The following STAU2 variants were observed in gnomAD, a reference collection of about 807,000 sequenced individuals.
STAU2 encodes the protein staufen double-stranded RNA binding protein 2.
Under a neutral mutation model 65.9 loss-of-function variants are expected in STAU2, and 20 were observed. The ratio of observed to expected loss-of-function variants is 0.30; its 90% confidence interval spans 0.21 to 0.44. The LOEUF (loss-of-function observed/expected upper bound fraction) is 0.44, where lower values mean the gene tolerates loss of function less well. Among genes scored for constraint, STAU2 ranks in the 20% least tolerant of loss-of-function variants. The pLI is 1.00. For synonymous variants in STAU2, 232 were observed against 233.9 expected, an observed-to-expected ratio of 0.99 and a Z score of 0.07; for missense variants, 558 against 683.9, an observed-to-expected ratio of 0.82 and a Z score of 2.05.
chr8:73,670,317 G>A (rs1231878007), intron 6 of STAU2: 7 of 152,048 alleles, frequency 4.6e-5, no homozygotes, highest in Admixed American at 2.6e-4. Flanking sequence ...AAGAAAAGCT[G>A]AGGGTTTAGG....
At chr8:73,457,679 A>G (rs762252287) in intron 13 of STAU2, among the ~76,000 whole-genome samples, 5 of 152,188 alleles carry the variant, frequency 3.3e-5, no homozygotes, top group Admixed American at 1.3e-4. Context: ...TCTTTGGTGT[A>G]ATATTTGTAT....
At chr8:73,523,417 T>C (rs1397765957) in intron 13 of STAU2, among the ~76,000 whole-genome samples, 1 of 152,042 alleles carries the variant, frequency 6.6e-6, no homozygotes, top group Non-Finnish European at 1.5e-5. Context: ...CTGGCTGTTT[T>C]TTTAACATTA....
intron 13 of STAU2, among the ~76,000 whole-genome samples, chr8:73,455,561 G>A (rs757915577): frequency 4.6e-5 from 7 of 152,154 alleles, no homozygotes; most frequent in Admixed American, 3.3e-4. Flanking sequence ...CCAGGAGTGC[G>A]AGGTATGTTC....
intron 6 of STAU2, among the ~76,000 whole-genome samples, chr8:73,622,936 T>G (rs1813371900): frequency 6.6e-6 from 1 of 152,234 alleles, no homozygotes; most frequent in Admixed American, 6.5e-5. Context: ...TTCTAACTGC[T>G]GGAAGTCTTG....
intron 12 of STAU2, among the ~76,000 whole-genome samples, chr8:73,556,027 C>T (rs771352791): frequency 1.3e-5 from 2 of 152,072 alleles, no homozygotes; most frequent in Non-Finnish European, 2.9e-5. Flanking sequence ...CAACATTTTG[C>T]TTTAAAGATA....
intron 3 of STAU2, among the ~76,000 whole-genome samples, chr8:73,710,869 G>C (rs1183032947): frequency 2.0e-5 from 3 of 151,678 alleles, no homozygotes; most frequent in African/African-American, 4.8e-5. Flanking sequence ...AAAATGGCTG[G>C]CTTTAGGAAC....
At chr8:73,467,723 G>C (rs190785809) in intron 13 of STAU2, among the ~76,000 whole-genome samples, 1 of 152,134 alleles carries the variant, frequency 6.6e-6, no homozygotes, top group East Asian at 1.9e-4. Context: ...TATTCTCCAG[G>C]CTAAACAGAT....
In STAU2 at chr8:73,689,063, G is replaced by A. The variant is rs543288855; in HGVS notation, c.115-250C>T. ...GTACATTCTGGGTAGAATAAATCAAGAAGCAATCTTTCCTCTAAATGGAAT... is the reference window on the plus strand; with the variant it reads ...GTACATTCTGGGTAGAATAAATCAAAAAGCAATCTTTCCTCTAAATGGAAT... On this transcript the variant is annotated intron_variant, in intron 4 of 14. Coordinates refer to ENST00000524300, the MANE Select transcript of STAU2 (RefSeq NM_001164380.2). 4.6e-5 allele frequency among the ~76,000 whole-genome samples: 7 copies of A among 152,250 alleles called. No homozygotes were observed. In the South Asian group the frequency reaches 1.4e-3, roughly 32 times the overall value.
At chr8:73,727,754 A>T (rs1030879346) in intron 3 of STAU2, 2 of 152,240 alleles carry the variant, frequency 1.3e-5, no homozygotes, top group Admixed American at 1.3e-4. Context: ...GCTGGGTCAT[A>T]TGACAAGTCT....
intron 4 of STAU2, among the ~76,000 whole-genome samples, chr8:73,702,120 T>C (rs975075414): frequency 3.3e-5 from 5 of 152,182 alleles, no homozygotes; most frequent in Non-Finnish European, 5.9e-5. Context: ...AGATGGTTAA[T>C]GGGTACCAAA....
chr8:73,471,522 T>TAAAAA (rs373805321), intron 13 of STAU2, among the ~76,000 whole-genome samples: 1 of 136,312 alleles, frequency 7.3e-6, no homozygotes, highest in African/African-American at 2.7e-5. Flanking sequence ...CTTCTGTAAT[T>TAAAAA]AAAAAAAAAA....
At chr8:73,570,745 G>A (rs62510317) in intron 12 of STAU2, among the ~76,000 whole-genome samples, 19,052 of 152,172 alleles carry the variant, frequency 0.13, 1,457 homozygotes, top group Non-Finnish European at 0.18. Context: ...GACTAACAGC[G>A]GATCTCTCGG....
At chr8:73,652,555 A>T (rs1240954228) in intron 6 of STAU2, 1 of 151,950 alleles carries the variant, frequency 6.6e-6, no homozygotes, top group Non-Finnish European at 1.5e-5. Flanking sequence ...AAAAATACAA[A>T]AAAAAAAATT....
At chr8:73,527,897 A>G in intron 13 of STAU2, 1 of 688,252 alleles carries the variant, frequency 1.5e-6, no homozygotes, top group Non-Finnish European at 2.4e-6. Flanking sequence ...ATTTCACAGA[A>G]CACACTTTAA....
At chr8:73,642,660 T>G (rs1815079505) in intron 6 of STAU2, among the ~76,000 whole-genome samples, 1 of 152,208 alleles carries the variant, frequency 6.6e-6, no homozygotes, top group African/African-American at 2.4e-5. Flanking sequence ...TTATTTTATC[T>G]GCTTTAGCCA....
chr8:73,454,641 C>A (rs1006588652), intron 13 of STAU2, among the ~76,000 whole-genome samples: 15 of 152,210 alleles, frequency 9.9e-5, no homozygotes, highest in African/African-American at 3.1e-4. Flanking sequence ...TTCTTCAACA[C>A]AGAAATAGCA....
intron 13 of STAU2, among the ~76,000 whole-genome samples, chr8:73,516,876 C>CA (rs1822759216): frequency 1.3e-5 from 2 of 152,260 alleles, no homozygotes; most frequent in South Asian, 4.1e-4. Flanking sequence ...ATATAGGCAA[C>CA]AGTTTTCCAC....
chr8:73,741,170 T>G (rs1806838307), intron 1 of STAU2, among the ~76,000 whole-genome samples: 1 of 150,044 alleles, frequency 6.7e-6, no homozygotes, highest in African/African-American at 2.5e-5. Context: ...CCGGGCGTGG[T>G]GGCGGGCGCC....
chr8:73,474,508 T>C (rs1170990808), intron 13 of STAU2, among the ~76,000 whole-genome samples: 1 of 151,862 alleles, frequency 6.6e-6, no homozygotes, highest in Non-Finnish European at 1.5e-5. Flanking sequence ...GCTGCTCTAT[T>C]AACAAACAAA....
Sources: gnomAD v4.1 joint callset for allele counts (sites outside exome capture counted in the v4.1 genomes callset) on GRCh38, gnomAD v4.1.1 for gene constraint, MANE v1.5 for transcripts, NCBI Gene and HGNC (gene_info 2026-07-23, HGNC 2026-07-21) for gene names.